Variants in TMEM132C observed in about 807,000 individuals in gnomAD.
TMEM132C encodes the protein protein phosphatase 1, regulatory subunit 152.
Under a neutral mutation model 61.4 loss-of-function variants are expected in TMEM132C, and 29 were observed. The ratio of observed to expected loss-of-function variants is 0.47; its 90% CI spans 0.35 to 0.64. The LOEUF (loss-of-function observed/expected upper bound fraction) is 0.64, where lower values mean the gene tolerates loss of function less well. TMEM132C is among the 30% of genes least tolerant of loss of function. TMEM132C has a pLI of 0.00. For missense variants in TMEM132C, 1,408 were observed against 1,476.9 expected, an observed-to-expected ratio of 0.95 and a Z score of 0.76; for synonymous variants, 656 against 633.1, an observed-to-expected ratio of 1.04 and a Z score of -0.54.
At chr12:128,495,890 T>G (rs1022632360) in intron 2 of TMEM132C, among the ~76,000 whole-genome samples, 2 of 152,168 alleles carry the variant, frequency 1.3e-5, no homozygotes, top group Admixed American at 6.5e-5. Context: ...GTTAGCTGGT[T>G]ATTTTGCTCG....
intron 4 of TMEM132C, among the ~76,000 whole-genome samples, chr12:128,636,496 C>T (rs947562957): frequency 5.9e-5 from 9 of 152,028 alleles, no homozygotes; most frequent in Admixed American, 2.0e-4. Context: ...CAAGAAGACC[C>T]GTCACCTCCC....
chr12:128,696,479 A>G (rs917978784), intron 7 of TMEM132C, among the ~76,000 whole-genome samples: 2 of 152,200 alleles, frequency 1.3e-5, no homozygotes, highest in African/African-American at 4.8e-5. Context: ...TGGCCCAGGG[A>G]AAAAGCATGG....
intron 5 of TMEM132C, among the ~76,000 whole-genome samples, chr12:128,691,071 A>G (rs1000803154): frequency 1.9e-4 from 29 of 152,364 alleles, no homozygotes; most frequent in Middle Eastern, 3.4e-3. Flanking sequence ...ATCTAGACAG[A>G]AGACAGATAA....
At chr12:128,668,808 A>G (rs1028066946) in intron 4 of TMEM132C, among the ~76,000 whole-genome samples, 3 of 152,122 alleles carry the variant, frequency 2.0e-5, no homozygotes, top group African/African-American at 7.2e-5. Context: ...GCTCATGGCC[A>G]TATCACCCTG....
At chr12:128,352,169 G>C (rs190934374) in intron 1 of TMEM132C, among the ~76,000 whole-genome samples, 1 of 152,290 alleles carries the variant, frequency 6.6e-6, no homozygotes, top group Admixed American at 6.5e-5. Flanking sequence ...ATATACCTGA[G>C]ACTGGGTATT....
chr12:128,457,053 T>C (rs1417807656), intron 2 of TMEM132C, among the ~76,000 whole-genome samples: 1 of 152,222 alleles, frequency 6.6e-6, no homozygotes, highest in Admixed American at 6.5e-5. Context: ...GTCATTCATC[T>C]GGTGGCCTCC....
chr12:128,618,537 CTT>C (rs1294046647), intron 4 of TMEM132C, among the ~76,000 whole-genome samples: 1 of 152,208 alleles, frequency 6.6e-6, no homozygotes. Context: ...CAAATCTCAT[CTT>C]TAATTGTAGG....
chr12:128,304,320 A>C (rs1280402533), intron 1 of TMEM132C, among the ~76,000 whole-genome samples: 1 of 152,180 alleles, frequency 6.6e-6, no homozygotes, highest in Non-Finnish European at 1.5e-5. Flanking sequence ...GCTCAGCTTT[A>C]GAAACAGCCT....
chr12:128,639,403 G>A (rs200236071), intron 4 of TMEM132C, among the ~76,000 whole-genome samples: 1 of 148,422 alleles, frequency 6.7e-6, no homozygotes, highest in African/African-American at 2.6e-5. Context: ...AATGATGATG[G>A]TGATGATGAT....
chr12:128,508,902 C>A (rs1025408586), intron 2 of TMEM132C, among the ~76,000 whole-genome samples: 1 of 152,200 alleles, frequency 6.6e-6, no homozygotes, highest in African/African-American at 2.4e-5. Flanking sequence ...CTCTCCCCAG[C>A]GTGGCTGACT....
chr12:128,311,835 T>C (rs12296319), intron 1 of TMEM132C, among the ~76,000 whole-genome samples: 30,271 of 152,228 alleles, frequency 0.2, 3,220 homozygotes, highest in Non-Finnish European at 0.24. Flanking sequence ...GCCCTCAGCC[T>C]CTCCTGACCA....
At chr12:128,500,092 A>G (rs1872108762) in intron 2 of TMEM132C, among the ~76,000 whole-genome samples, 1 of 152,216 alleles carries the variant, frequency 6.6e-6, no homozygotes, top group African/African-American at 2.4e-5. Context: ...GAGTGTCAAG[A>G]CAATTCAGTG....
At chr12:128,466,174 C>G (rs1230436383) in intron 2 of TMEM132C, among the ~76,000 whole-genome samples, 1 of 152,090 alleles carries the variant, frequency 6.6e-6, no homozygotes, top group African/African-American at 2.4e-5. Flanking sequence ...GAGAACTAGC[C>G]AGCATGTGTG....
intron 2 of TMEM132C, among the ~76,000 whole-genome samples, chr12:128,425,618 T>G (rs1379752653): frequency 6.6e-6 from 1 of 152,186 alleles, no homozygotes; most frequent in East Asian, 1.9e-4. Flanking sequence ...CTCTCACGTT[T>G]CTAGAGGCCA....
chr12:128,563,963 A>G (rs962811757), intron 3 of TMEM132C, among the ~76,000 whole-genome samples: 6 of 152,178 alleles, frequency 3.9e-5, no homozygotes, highest in South Asian at 2.1e-4. Context: ...TTAGTGTTCC[A>G]ATAATGGAAC....
chr12:128,492,296 T>C (rs905083081), intron 2 of TMEM132C, among the ~76,000 whole-genome samples: 2 of 152,232 alleles, frequency 1.3e-5, no homozygotes, highest in Non-Finnish European at 2.9e-5. Flanking sequence ...TTGTGAATAG[T>C]GCCACAATAA....
At chr12:128,436,169 A>C (rs919626703) in intron 2 of TMEM132C, among the ~76,000 whole-genome samples, 12 of 152,148 alleles carry the variant, frequency 7.9e-5, no homozygotes, top group African/African-American at 2.7e-4. Context: ...TAAAGACTTA[A>C]ATGTTAGACC....
At chr12:128,411,393 G>A (rs1030299103) in intron 1 of TMEM132C, among the ~76,000 whole-genome samples, 4 of 152,114 alleles carry the variant, frequency 2.6e-5, no homozygotes, top group Non-Finnish European at 5.9e-5. Context: ...AAAAACTGTC[G>A]CTTCGATCTG....
rs781524450 is a variant in TMEM132C at position 128,326,176 on chromosome 12, G to C, written c.85+58689G>C. 1.3e-5 allele frequency among the ~76,000 whole-genome samples: 2 copies of C among 151,934 alleles called. No homozygotes were observed. Among genetic ancestry groups the C allele is most frequent in the Non-Finnish European group, 2.9e-5 (2 of 67,978 alleles). ...TTTTATTGTTTTTATGAGGGTGAGGGAACTGTACAATTATTTATCAAATTG... is the reference window on the plus strand; with the variant it reads ...TTTTATTGTTTTTATGAGGGTGAGGCAACTGTACAATTATTTATCAAATTG... On this transcript the variant is annotated intron_variant, in intron 1 of 8. Coordinates refer to ENST00000435159, the MANE Select transcript of TMEM132C (RefSeq NM_001136103.3). The surrounding 1 kb of genome is among the most constrained non-coding windows in gnomAD (Gnocchi z 5.6).
Sources: gnomAD v4.1 joint callset for allele counts (sites outside exome capture counted in the v4.1 genomes callset) on GRCh38, gnomAD v4.1.1 for gene constraint, Gnocchi (gnomAD v3.1) non-coding constraint, MANE v1.5 for transcripts, NCBI Gene and HGNC (gene_info 2026-07-23, HGNC 2026-07-21) for gene names.